Variants in IFT81 observed in about 807,000 individuals in gnomAD.
IFT81 encodes intraflagellar transport protein 81 homolog.
A neutral mutation model predicts 102.6 loss-of-function variants in IFT81; 72 were observed. The ratio of observed to expected loss-of-function variants is 0.70; its 90% CI spans 0.58 to 0.85. IFT81 has a LOEUF of 0.85. IFT81 is among the 40% of genes least tolerant of loss of function. The probability of loss-of-function intolerance (pLI) is 0.00; values close to 1 mark genes in which losing one functional copy is unlikely to be tolerated. For synonymous variants in IFT81, 237 were observed against 242.7 expected, an observed-to-expected ratio of 0.98 and a Z score of 0.22; for missense variants, 723 against 787.3, an observed-to-expected ratio of 0.92 and a Z score of 0.98.
At chr12:110,139,871 A>AATAAAATAAAAT in intron 8 of IFT81, among the ~76,000 whole-genome samples, 1 of 138,724 alleles carries the variant, frequency 7.2e-6, no homozygotes, top group African/African-American at 2.6e-5. Context: ...TAAAATATAA[A>AATAAAATAAAAT]ATAAAATAAA....
intron 8 of IFT81, among the ~76,000 whole-genome samples, chr12:110,139,833 AAAATAAAATAAAAT>A (rs1171373066): frequency 8.6e-6 from 1 of 116,716 alleles, no homozygotes; most frequent in Non-Finnish European, 1.8e-5. Context: ...AAAATAAAAT[AAAATAAAATAAAAT>A]AAATAAAATA....
At chr12:110,143,668 G>C (rs1307814031) in intron 9 of IFT81, 123 bp downstream of exon 9, 1 of 693,766 alleles carries the variant, frequency 1.4e-6, no homozygotes, top group Non-Finnish European at 2.3e-6. Context: ...GCTAAGAGTT[G>C]ACAACTCTTA....
At chr12:110,170,889 C>G (rs1171617085) in intron 11 of IFT81, among the ~76,000 whole-genome samples, 1 of 152,158 alleles carries the variant, frequency 6.6e-6, no homozygotes, top group African/African-American at 2.4e-5. Context: ...AATCTTAGAG[C>G]TAAATTGGAA....
At chr12:110,126,458 G>T (rs924553721) in intron 1 of IFT81, among the ~76,000 whole-genome samples, 6 of 151,940 alleles carry the variant, frequency 3.9e-5, no homozygotes, top group African/African-American at 1.5e-4. Flanking sequence ...GGTTGGGGGG[G>T]TTTGTGCCTC....
At chr12:110,135,121 T>G in intron 6 of IFT81, 108 bp downstream of exon 6, 2 of 872,170 alleles carry the variant, frequency 2.3e-6, no homozygotes, top group Non-Finnish European at 1.8e-6. Flanking sequence ...CATCTGAGGA[T>G]GGACTCAAAT....
At chr12:110,198,717 A>C (rs1898125530) in intron 14 of IFT81, among the ~76,000 whole-genome samples, 1 of 151,384 alleles carries the variant, frequency 6.6e-6, no homozygotes, top group African/African-American at 2.4e-5. Flanking sequence ...ATTTCCTCAG[A>C]GGTGTCTAAT....
chr12:110,135,901 G>A (rs1894477575), intron 7 of IFT81, among the ~76,000 whole-genome samples: 1 of 151,438 alleles, frequency 6.6e-6, no homozygotes, highest in African/African-American at 2.4e-5. Flanking sequence ...ATATTTTGTG[G>A]CAACAACAAT....
At chr12:110,196,053 C>T (rs1897987382) in intron 14 of IFT81, among the ~76,000 whole-genome samples, 1 of 152,100 alleles carries the variant, frequency 6.6e-6, no homozygotes. Flanking sequence ...TTCTAAACTT[C>T]CTAGTGAATG....
chr12:110,187,255 T>C (rs1897574555), intron 12 of IFT81, among the ~76,000 whole-genome samples: 1 of 107,156 alleles, frequency 9.3e-6, no homozygotes, highest in Admixed American at 1.2e-4. Flanking sequence ...TCTATTCCTG[T>C]TGTTTTTGTT....
intron 13 of IFT81, among the ~76,000 whole-genome samples, chr12:110,192,040 G>A (rs1171498343): frequency 2.6e-5 from 4 of 151,790 alleles, no homozygotes; most frequent in Admixed American, 6.6e-5. Context: ...GCGTGGTGTC[G>A]CACTCCTGTA....
At position 110,129,114 on chromosome 12, in the gene IFT81, C is replaced by T; in HGVS notation, c.413C>T (p.Ala138Val). ...PSEFLQDETV[A>V]DTNKQYEELM... ...GAGTTTCTTCAGGATGAAACTGTGGCTGACACCAATAAACAGGTAAACAAT... is the reference window on the plus strand; with the variant it reads ...GAGTTTCTTCAGGATGAAACTGTGGTTGACACCAATAAACAGGTAAACAAT... Residue 138 changes from alanine (A) to valine (V), a missense_variant, in exon 4 of 19, where the codon GCT (alanine) becomes GTT (valine). By Grantham distance (64) the Ala-to-Val change is moderately conservative (BLOSUM62 0). Transcript: ENST00000242591. 1 of 1,597,018 alleles carries T rather than the reference C, an allele frequency of 6.3e-7. No individual in the cohort carries two copies. Among genetic ancestry groups the T allele is most frequent in the Non-Finnish European group, 8.5e-7 (1 of 1,174,876 alleles).
intron 10 of IFT81, among the ~76,000 whole-genome samples, chr12:110,148,650 T>C (rs552402567): frequency 5.9e-5 from 9 of 152,080 alleles, no homozygotes; most frequent in Non-Finnish European, 1.2e-4. Context: ...AATTTTTGTA[T>C]ATTTAGTAGA....
At chr12:110,186,002 T>C (rs1897511917) in intron 12 of IFT81, among the ~76,000 whole-genome samples, 1 of 152,182 alleles carries the variant, frequency 6.6e-6, no homozygotes, top group African/African-American at 2.4e-5. Context: ...TCATCATTGT[T>C]CTTCTATTGG....
intron 15 of IFT81, chr12:110,204,436 T>A (rs1205532434): frequency 6.4e-6 from 1 of 155,080 alleles, no homozygotes; most frequent in African/African-American, 2.4e-5. Flanking sequence ...GGCTTCCTGT[T>A]GCACTTAAAA....
intron 10 of IFT81, among the ~76,000 whole-genome samples, chr12:110,159,738 A>G (rs2137428222): frequency 6.6e-6 from 1 of 152,354 alleles, no homozygotes; most frequent in Admixed American, 6.5e-5. Flanking sequence ...GATCAGAAGC[A>G]GCGCATAGAT....
At chr12:110,137,388 A>T (rs1894583352) in intron 8 of IFT81, among the ~76,000 whole-genome samples, 1 of 151,890 alleles carries the variant, frequency 6.6e-6, no homozygotes, top group African/African-American at 2.4e-5. Context: ...TCAGAGAGTG[A>T]AGATAATGAA....
At chr12:110,177,802 T>C (rs1328355808) in intron 11 of IFT81, among the ~76,000 whole-genome samples, 3 of 152,162 alleles carry the variant, frequency 2.0e-5, no homozygotes, top group Admixed American at 2.0e-4. Flanking sequence ...GCTTTCAAAA[T>C]TGGAAGGAAA....
intron 11 of IFT81, chr12:110,168,980 T>C (rs1232271847): frequency 6.6e-6 from 1 of 152,146 alleles, no homozygotes; most frequent in Non-Finnish European, 1.5e-5. Context: ...GTCGAGCTCC[T>C]GCTTGCTTGC....
At chr12:110,197,508 T>G (rs1898062424) in intron 14 of IFT81, among the ~76,000 whole-genome samples, 1 of 147,420 alleles carries the variant, frequency 6.8e-6, no homozygotes, top group Admixed American at 6.8e-5. Context: ...CCCTTTTTTC[T>G]GTTTTTTTAT....
Sources: allele counts gnomAD v4.1 joint callset (sites outside exome capture counted in the v4.1 genomes callset), GRCh38; gene constraint gnomAD v4.1.1; transcripts MANE v1.5; gene names NCBI Gene and HGNC (gene_info 2026-07-23, HGNC 2026-07-21).